CTNND2: variants seen among roughly 807,000 people sequenced by gnomAD.
CTNND2 encodes the protein catenin delta-2.
In CTNND2, 22 loss-of-function variants were observed where a neutral mutation model predicts 144.4. The ratio of observed to expected loss-of-function variants is 0.15; its 90% confidence interval spans 0.11 to 0.22. CTNND2 has a LOEUF of 0.22. CTNND2 is among the 10% of genes least tolerant of loss of function. CTNND2 has a pLI of 1.00. For synonymous variants in CTNND2, 751 were observed against 695.6 expected (o/e 1.08, Z -1.25); for missense variants, 1,353 against 1,618.8 (o/e 0.84, Z 2.82).
chr5:11,297,600 T>C (rs1420229664), intron 9 of CTNND2, among the ~76,000 whole-genome samples: 1 of 152,200 alleles, frequency 6.6e-6, no homozygotes, highest in African/African-American at 2.4e-5. Flanking sequence ...AAATTAAGCA[T>C]TTAAACATTT....
At chr5:11,480,467 C>T (rs1768137030) in intron 3 of CTNND2, among the ~76,000 whole-genome samples, 1 of 152,104 alleles carries the variant, frequency 6.6e-6, no homozygotes, top group Admixed American at 6.6e-5. Context: ...CATGCTGCTC[C>T]CATGATGTAA....
At chr5:11,237,424 T>C (rs887582798) in intron 9 of CTNND2, among the ~76,000 whole-genome samples, 2 of 152,246 alleles carry the variant, frequency 1.3e-5, no homozygotes, top group African/African-American at 4.8e-5. Flanking sequence ...ATAAAGATTA[T>C]GAAAAAATAA....
In CTNND2 at chr5:11,831,394, C is replaced by T. The variant is rs144115996; in HGVS notation, c.37+72423G>A. ...TGAGGAGGAAAAAAGAGTTGCCAGG[C>T]GTGGTGGCTCATGCCTGTAATCCCA... is the stretch of plus-strand genomic sequence containing the variant. On this transcript the variant is annotated intron_variant, in intron 1 of 21. Transcript: ENST00000304623. 2.7e-3 allele frequency among the ~76,000 whole-genome samples: 409 copies of T among 152,132 alleles called. 1 individual carries two copies. The highest frequency in any genetic ancestry group is 9.5e-3 in the African/African-American group (393 of 41,492).
chr5:11,865,902 C>CAAAAAAA (rs56310600), intron 1 of CTNND2, among the ~76,000 whole-genome samples: 2,206 of 87,374 alleles, frequency 0.025, 173 homozygotes, highest in South Asian at 0.056. Flanking sequence ...CTGGAAGAGA[C>CAAAAAAA]AAAAAAAAAA....
At chr5:11,182,914 G>T (rs1387431503) in intron 11 of CTNND2, among the ~76,000 whole-genome samples, 1 of 152,172 alleles carries the variant, frequency 6.6e-6, no homozygotes, top group African/African-American at 2.4e-5. Context: ...GGAGGTAAAG[G>T]GAATTTTAGT....
intron 18 of CTNND2, 57 bp downstream of exon 18, chr5:11,017,917 C>A (rs1421780325): frequency 7.2e-7 from 1 of 1,383,970 alleles, no homozygotes; most frequent in Non-Finnish European, 1.0e-6. Flanking sequence ...TCTGTGACGC[C>A]TCTCAGGGTC....
At chr5:11,268,713 T>C (rs1328128198) in intron 9 of CTNND2, among the ~76,000 whole-genome samples, 1 of 152,246 alleles carries the variant, frequency 6.6e-6, no homozygotes, top group Non-Finnish European at 1.5e-5. Flanking sequence ...GACTCATTTA[T>C]GCCATCACAA....
intron 3 of CTNND2, among the ~76,000 whole-genome samples, chr5:11,551,798 A>C (rs1223117407): frequency 2.6e-5 from 4 of 152,004 alleles, no homozygotes; most frequent in Non-Finnish European, 2.9e-5. Flanking sequence ...ACAAGGTTTC[A>C]CCATGTTGGC....
chr5:10,995,303 C>G (rs748018878), intron 18 of CTNND2, among the ~76,000 whole-genome samples: 5 of 152,038 alleles, frequency 3.3e-5, no homozygotes, highest in Non-Finnish European at 7.4e-5. Flanking sequence ...AAGAAGGAAC[C>G]CAGTGAACTA....
At chr5:11,045,763 T>C (rs914833853) in intron 16 of CTNND2, among the ~76,000 whole-genome samples, 1 of 152,158 alleles carries the variant, frequency 6.6e-6, no homozygotes, top group Non-Finnish European at 1.5e-5. Flanking sequence ...CCAAATAAGG[T>C]CACACTCACA....
At chr5:11,450,629 G>A (rs969157725) in intron 3 of CTNND2, among the ~76,000 whole-genome samples, 8 of 152,132 alleles carry the variant, frequency 5.3e-5, no homozygotes, top group Admixed American at 4.6e-4. Context: ...GCTGGGCGTG[G>A]TGGCTCATGC....
At chr5:11,396,789 G>A (rs1240428883) in intron 6 of CTNND2, among the ~76,000 whole-genome samples, 3 of 152,130 alleles carry the variant, frequency 2.0e-5, no homozygotes, top group Non-Finnish European at 2.9e-5. Context: ...TATAAGACAG[G>A]TATAGCGTGA....
At chr5:11,851,759 C>T (rs1341633867) in intron 1 of CTNND2, among the ~76,000 whole-genome samples, 2 of 152,172 alleles carry the variant, frequency 1.3e-5, no homozygotes, top group African/African-American at 4.8e-5. Flanking sequence ...TTGGTAAACA[C>T]AGTATGTTTC....
At chr5:11,067,044 T>C (rs1747696938) in intron 16 of CTNND2, among the ~76,000 whole-genome samples, 1 of 152,034 alleles carries the variant, frequency 6.6e-6, no homozygotes, top group Admixed American at 6.5e-5. Context: ...AGTCAGGGCC[T>C]GGGGAAGGGA....
rs528299512 is a variant in CTNND2, at chr5:11,132,492, T to A, written c.2160-14925A>T. 1.1e-4 allele frequency among the ~76,000 whole-genome samples: 16 copies of A among 152,232 alleles called. No individual in the cohort carries two copies. In the East Asian group the frequency reaches 2.9e-3, roughly 28 times the overall value. ...GGACTCCGAGACTCTTTGCCCTCTT[T>A]CCGCTGTGTGAAGACACAGGAGTTG... On this transcript the variant is annotated intron_variant, in intron 12 of 21. Transcript: ENST00000304623.
chr5:11,159,558 T>G lies in CTNND2; in HGVS notation c.2159+18A>C. The G allele has an allele frequency of 6.3e-7, 1 of 1,581,376 alleles. No homozygotes were observed. ...AGGGGAAGATGGTGGGAGGAGGCAC[T>G]CGTGACACAGGACTGACCTTAGGCA... is the stretch of plus-strand genomic sequence containing the variant. On this transcript the variant is annotated intron_variant, in intron 12 of 21. Transcript: ENST00000304623.
At chr5:11,829,850 C>T (rs932854812) in intron 1 of CTNND2, among the ~76,000 whole-genome samples, 1 of 152,190 alleles carries the variant, frequency 6.6e-6, no homozygotes, top group Non-Finnish European at 1.5e-5. Context: ...GCCACAGACA[C>T]TCAAAGTAAG....
chr5:11,857,145 T>C (rs1204706438), intron 1 of CTNND2, among the ~76,000 whole-genome samples: 2 of 152,186 alleles, frequency 1.3e-5, no homozygotes. Context: ...AATATAAACA[T>C]TGGTTTTCAC....
Position 11,077,423 on chromosome 5 carries a change from A to G in CTNND2, c.2788+5273T>C, listed in dbSNP as rs61750286. On this transcript the variant is annotated intron_variant, in intron 16 of 21. Coordinates refer to ENST00000304623, the MANE Select transcript of CTNND2 (RefSeq NM_001332.4). ...TGAGGACTGAGCTGCATGAATGCCA[A>G]GAGGAAGAGACTCCAGGAAGCAGCA... Among the ~76,000 whole-genome samples, 987 of 152,308 alleles carry G rather than the reference A, an allele frequency of 6.5e-3. 4 individuals are homozygous for G. Among genetic ancestry groups the G allele is most frequent in the Non-Finnish European group, 8.6e-3 (584 of 68,042 alleles).
Sources: gnomAD v4.1 joint callset for allele counts (sites outside exome capture counted in the v4.1 genomes callset) on GRCh38, gnomAD v4.1.1 for gene constraint, MANE v1.5 for transcripts, NCBI Gene and HGNC (gene_info 2026-07-23, HGNC 2026-07-21) for gene names.